The following COMMD10 variants were observed in gnomAD, a reference collection of about 807,000 sequenced individuals.
COMMD10 encodes the protein COMM domain containing 10, also known as COMM domain-containing protein 10.
COMMD10 carries 33 observed loss-of-function variants against 28.9 expected under a neutral mutation model. The observed-to-expected ratio is 1.14, with a 90% CI of 0.87 to 1.53. The LOEUF (loss-of-function observed/expected upper bound fraction) is 1.53, where lower values mean the gene tolerates loss of function less well. Ranked by LOEUF, COMMD10 falls within the 40% of genes most tolerant of loss-of-function variation. The pLI is 0.00. For synonymous variants in COMMD10, 110 were observed against 81.7 expected, an observed-to-expected ratio of 1.35 and a Z score of -1.87; for missense variants, 310 against 233.4, an observed-to-expected ratio of 1.33 and a Z score of -2.14.
chr5:116,188,807 T>G (rs751923535), intron 5 of COMMD10, among the ~76,000 whole-genome samples: 5 of 152,038 alleles, frequency 3.3e-5, no homozygotes, highest in African/African-American at 7.2e-5. Flanking sequence ...CTTTGTATTT[T>G]TTTGTAGAGA....
chr5:116,224,940 A>G (rs1749353774), intron 5 of COMMD10, among the ~76,000 whole-genome samples: 1 of 152,190 alleles, frequency 6.6e-6, no homozygotes, highest in Non-Finnish European at 1.5e-5. Flanking sequence ...TTTCTTTTAC[A>G]TTTAAATAAA....
intron 5 of COMMD10, among the ~76,000 whole-genome samples, chr5:116,240,387 A>G (rs1276381856): frequency 1.3e-5 from 2 of 152,196 alleles, no homozygotes; most frequent in African/African-American, 2.4e-5. Context: ...TGTCCCAAGC[A>G]TAAAGATTAA....
chr5:116,287,844 C>G (rs376107366), intron 5 of COMMD10, among the ~76,000 whole-genome samples: 1 of 151,726 alleles, frequency 6.6e-6, no homozygotes, highest in African/African-American at 2.4e-5. Context: ...AAACTTTCTC[C>G]TTTACTGCTC....
chr5:116,281,342 A>G (rs1751063450), intron 5 of COMMD10, among the ~76,000 whole-genome samples: 1 of 151,776 alleles, frequency 6.6e-6, no homozygotes, highest in South Asian at 2.1e-4. Context: ...GCTAATGGGT[A>G]TGTGCAACAT....
intron 5 of COMMD10, among the ~76,000 whole-genome samples, chr5:116,222,885 G>A (rs1328962393): frequency 1.3e-5 from 2 of 152,008 alleles, no homozygotes; most frequent in Non-Finnish European, 2.9e-5. Context: ...TAGGGACAGG[G>A]TTTCACCATG....
chr5:116,256,787 A>G (rs1033144825), intron 5 of COMMD10, among the ~76,000 whole-genome samples: 2 of 151,802 alleles, frequency 1.3e-5, no homozygotes, highest in African/African-American at 4.9e-5. Context: ...TTTGTGCATT[A>G]AACAAAGTTT....
chr5:116,277,986 A>T (rs1457006296), intron 5 of COMMD10, among the ~76,000 whole-genome samples: 1 of 151,848 alleles, frequency 6.6e-6, no homozygotes, highest in Non-Finnish European at 1.5e-5. Flanking sequence ...TGAGATCATA[A>T]TCTTTAAAAC....
At chr5:116,113,654 A>G (rs373769318) in intron 4 of COMMD10, among the ~76,000 whole-genome samples, 11 of 151,946 alleles carry the variant, frequency 7.2e-5, no homozygotes, top group African/African-American at 1.2e-4. Context: ...AAAGACGTCT[A>G]TCTCCTTGGT....
chr5:116,127,382 T>TC (rs1314519244), intron 4 of COMMD10, among the ~76,000 whole-genome samples: 1 of 152,104 alleles, frequency 6.6e-6, no homozygotes, highest in Non-Finnish European at 1.5e-5. Flanking sequence ...TCCTCAAAGA[T>TC]CTAGAACTAG....
chr5:116,218,214 A>G (rs1749154724), intron 5 of COMMD10: 1 of 762,186 alleles, frequency 1.3e-6, no homozygotes, highest in Non-Finnish European at 2.4e-6. Flanking sequence ...TTAGCGGACA[A>G]CCTTGCAGAT....
chr5:116,226,644 TG>T (rs1749401025), intron 5 of COMMD10, among the ~76,000 whole-genome samples: 1 of 138,978 alleles, frequency 7.2e-6, no homozygotes, highest in Non-Finnish European at 1.5e-5. Context: ...AACCAAGCCC[TG>T]TAGTAACACA....
At chr5:116,291,600 C>G (rs771265815) in intron 6 of COMMD10, 24 bp downstream of exon 6, 28 of 1,319,500 alleles carry the variant, frequency 2.1e-5, no homozygotes, top group Middle Eastern at 2.0e-4. Flanking sequence ...AAATAATTTT[C>G]TAATATGTGG....
intron 5 of COMMD10, among the ~76,000 whole-genome samples, chr5:116,241,568 C>T (rs569489039): frequency 3.4e-5 from 5 of 148,460 alleles, no homozygotes; most frequent in Admixed American, 3.4e-4. Flanking sequence ...TCTCTATCCT[C>T]TTACACTCTG....
chr5:116,107,110 T>G (rs1214689982), intron 4 of COMMD10, among the ~76,000 whole-genome samples: 1 of 152,128 alleles, frequency 6.6e-6, no homozygotes. Flanking sequence ...GCCCTTAACA[T>G]TTTTTCCTTT....
intron 5 of COMMD10, among the ~76,000 whole-genome samples, chr5:116,186,121 C>T (rs1334099295): frequency 6.6e-6 from 1 of 152,120 alleles, no homozygotes; most frequent in Admixed American, 6.6e-5. Flanking sequence ...AACGTTTAAA[C>T]ATGTTCAAAT....
chr5:116,160,476 A>G (rs1403188277), intron 5 of COMMD10, among the ~76,000 whole-genome samples: 1 of 152,194 alleles, frequency 6.6e-6, no homozygotes, highest in African/African-American at 2.4e-5. Context: ...GTGATTGATA[A>G]AGCTAGAAAG....
At chr5:116,196,168 A>C (rs530097050) in intron 5 of COMMD10, among the ~76,000 whole-genome samples, 3 of 152,324 alleles carry the variant, frequency 2.0e-5, no homozygotes, top group African/African-American at 7.2e-5. Context: ...TCACAAATAC[A>C]AAGTCATGGA....
intron 5 of COMMD10, among the ~76,000 whole-genome samples, chr5:116,142,017 G>A (rs922946779): frequency 6.6e-6 from 1 of 151,600 alleles, no homozygotes; most frequent in Non-Finnish European, 1.5e-5. Context: ...AGCTGTATGT[G>A]CTTACTGTAG....
At position 116,267,350 on chromosome 5, in the gene COMMD10, G is replaced by T. The variant is rs181348041; in HGVS notation, c.511-24167G>T. Among the ~76,000 whole-genome samples, 362 of 151,818 alleles carry T rather than the reference G, an allele frequency of 2.4e-3. 8 individuals carry two copies. The East Asian group carries it at 0.042, about 17-fold the overall frequency. ...TCATGAGTGAACTCCCATTCACAAT[G>T]GCTTCAAAGAGAATAAAATACCTAG... On this transcript the variant is annotated intron_variant, in intron 5 of 6. Coordinates refer to ENST00000274458, the MANE Select transcript of COMMD10 (RefSeq NM_016144.4).
Sources: gnomAD v4.1 joint callset for allele counts (sites outside exome capture counted in the v4.1 genomes callset) on GRCh38, gnomAD v4.1.1 for gene constraint, MANE v1.5 for transcripts, NCBI Gene and HGNC (gene_info 2026-07-23, HGNC 2026-07-21) for gene names.